COL8A1: variants seen among roughly 807,000 people sequenced by gnomAD.
The protein encoded by COL8A1 is collagen alpha-1(VIII) chain.
Under a neutral mutation model 42.7 loss-of-function variants are expected in COL8A1, and 21 were observed. That is an observed-to-expected ratio of 0.49 (90% CI 0.35 to 0.71). COL8A1 has a LOEUF of 0.71. Among genes scored for constraint, COL8A1 ranks in the 30% least tolerant of loss-of-function variants. The pLI is 0.01. For missense variants in COL8A1, 788 were observed against 962.4 expected (o/e 0.82, Z 2.40); for synonymous variants, 367 against 369.1 (o/e 0.99, Z 0.06).
At chr3:99,669,877 A>T (rs1021408536) in intron 1 of COL8A1, among the ~76,000 whole-genome samples, 4 of 152,006 alleles carry the variant, frequency 2.6e-5, no homozygotes, top group African/African-American at 9.7e-5. Flanking sequence ...TGGGAGGAGA[A>T]ACTGCTTTAT....
At chr3:99,650,388 A>G (rs565738273) in intron 1 of COL8A1, among the ~76,000 whole-genome samples, 5 of 152,250 alleles carry the variant, frequency 3.3e-5, no homozygotes, top group Admixed American at 6.5e-5. Context: ...TGAGCTCTCC[A>G]ATATGATAGC....
intron 1 of COL8A1, among the ~76,000 whole-genome samples, chr3:99,667,054 G>A (rs981933613): frequency 3.3e-5 from 5 of 152,260 alleles, no homozygotes; most frequent in African/African-American, 1.2e-4. Flanking sequence ...TTTTGTACAT[G>A]AAGAAACAGA....
intron 1 of COL8A1, among the ~76,000 whole-genome samples, chr3:99,721,240 GTAATGTAA>G (rs1940142535): frequency 6.6e-6 from 1 of 151,940 alleles, no homozygotes; most frequent in Non-Finnish European, 1.5e-5. Flanking sequence ...TGTGAGTTGT[GTAATGTAA>G]TATGGGTCAA....
chr3:99,793,764 C>T (rs1718244), intron 3 of COL8A1, among the ~76,000 whole-genome samples: 112,620 of 151,932 alleles, frequency 0.74, 42,328 homozygotes, highest in African/African-American at 0.88. Context: ...TATTTTTTTC[C>T]TTTTGGAGAT....
chr3:99,773,815 G>GTATATATATATATATATAT (rs58805519), intron 2 of COL8A1, among the ~76,000 whole-genome samples: 4 of 35,900 alleles, frequency 1.1e-4, no homozygotes, highest in African/African-American at 3.2e-4. Context: ...ATATATGTGT[G>GTATATATATATATATATAT]TATATATATA....
intron 1 of COL8A1, among the ~76,000 whole-genome samples, chr3:99,666,865 T>C (rs889947212): frequency 8.5e-5 from 13 of 152,346 alleles, no homozygotes; most frequent in Admixed American, 5.9e-4. Flanking sequence ...ACTAAATACA[T>C]GACATTTGGC....
intron 1 of COL8A1, among the ~76,000 whole-genome samples, chr3:99,723,575 G>C (rs138092150): frequency 1.5e-3 from 234 of 152,150 alleles, no homozygotes; most frequent in African/African-American, 5.4e-3. Flanking sequence ...TTTCTTTTTA[G>C]CCTAGTTTCC....
chr3:99,642,559 T>G (rs920572605), intron 1 of COL8A1, among the ~76,000 whole-genome samples: 1 of 152,232 alleles, frequency 6.6e-6, no homozygotes, highest in African/African-American at 2.4e-5. Context: ...CAATTCACCT[T>G]CGGTGTCCTC....
In COL8A1 at chr3:99,790,914, C is replaced by T. The variant is rs1941988240; in HGVS notation, c.232C>T (p.Gln78Ter). 1 of 1,613,978 alleles carries T rather than the reference C, an allele frequency of 6.2e-7. No homozygotes were observed. The highest frequency in any genetic ancestry group is 1.1e-5 in the South Asian group (1 of 91,084). The change falls in exon 3 of 4, where the codon CAG (glutamine) becomes TAG (stop). Residue 78 changes from glutamine to a stop codon, truncating the protein, a stop_gained. Coordinates refer to ENST00000652472, the MANE Select transcript of COL8A1 (RefSeq NM_020351.4). LOFTEE classifies it high-confidence loss of function. ...CATGGGCAAGGAGATGCCCCACTTG[C>T]AGTATGGCAAAGAGTATCCACACCT... ...LAMGKEMPHL[Q>*]YGKEYPHLPQ...
intron 1 of COL8A1, among the ~76,000 whole-genome samples, chr3:99,640,783 G>A (rs187230285): frequency 5.1e-4 from 77 of 152,274 alleles, no homozygotes; most frequent in African/African-American, 1.8e-3. Flanking sequence ...AAAAATCAGT[G>A]TCGAAGTTTC....
At chr3:99,729,024 C>A (rs1181711910) in intron 1 of COL8A1, among the ~76,000 whole-genome samples, 2 of 151,860 alleles carry the variant, frequency 1.3e-5, no homozygotes, top group African/African-American at 4.8e-5. Flanking sequence ...CCAGTTGTTT[C>A]ATTTGAAAAA....
chr3:99,672,294 G>GA (rs1265588288), intron 1 of COL8A1, among the ~76,000 whole-genome samples: 5 of 151,526 alleles, frequency 3.3e-5, no homozygotes, highest in Non-Finnish European at 5.9e-5. Context: ...TTCTTTTTTG[G>GA]AAAAAAATAA....
chr3:99,726,038 A>T (rs1940308114), intron 1 of COL8A1, among the ~76,000 whole-genome samples: 1 of 152,144 alleles, frequency 6.6e-6, no homozygotes, highest in Non-Finnish European at 1.5e-5. Context: ...CCAGCAATGT[A>T]AAAGTGTTCC....
At chr3:99,757,583 T>C (rs1397066742) in intron 2 of COL8A1, among the ~76,000 whole-genome samples, 2 of 152,208 alleles carry the variant, frequency 1.3e-5, no homozygotes, top group Non-Finnish European at 2.9e-5. Flanking sequence ...TCTAAGATTC[T>C]AGCCTGACTT....
At chr3:99,788,137 C>T (rs892193453) in intron 2 of COL8A1, among the ~76,000 whole-genome samples, 4 of 152,080 alleles carry the variant, frequency 2.6e-5, no homozygotes, top group Non-Finnish European at 4.4e-5. Flanking sequence ...TCCTCAGGGA[C>T]AGGAGAAAAA....
At chr3:99,713,132 G>T (rs1465226235) in intron 1 of COL8A1, among the ~76,000 whole-genome samples, 1 of 152,074 alleles carries the variant, frequency 6.6e-6, no homozygotes, top group Non-Finnish European at 1.5e-5. Context: ...AGTTAATCCT[G>T]ATTACAGTCC....
chr3:99,652,880 C>T (rs529126678), intron 1 of COL8A1, among the ~76,000 whole-genome samples: 1 of 152,194 alleles, frequency 6.6e-6, no homozygotes, highest in African/African-American at 2.4e-5. Context: ...TTTATGCAGA[C>T]AAAATAAAAT....
rs1027951610 is a variant in COL8A1 at position 99,672,675 on chromosome 3, T to C, written c.-129+34011T>C. Among the ~76,000 whole-genome samples the C allele has an allele frequency of 2.6e-5, 4 of 152,134 alleles. 1 individual carries two copies. The South Asian group carries it at 8.3e-4, about 32-fold the overall frequency. On this transcript the variant is annotated intron_variant, in intron 1 of 3. Coordinates refer to ENST00000652472, the MANE Select transcript of COL8A1 (RefSeq NM_020351.4). ...TTAAAGATAATTATACTACCAGTAA[T>C]TTAATTTATCTAATAGAATTCTTCC...
At chr3:99,654,035 T>C (rs748139061) in intron 1 of COL8A1, among the ~76,000 whole-genome samples, 7 of 152,130 alleles carry the variant, frequency 4.6e-5, no homozygotes, top group African/African-American at 9.7e-5. Flanking sequence ...CTTCAGTCTG[T>C]GGCCGAGGGC....
Sources: allele counts gnomAD v4.1 joint callset (sites outside exome capture counted in the v4.1 genomes callset), GRCh38; gene constraint gnomAD v4.1.1; transcripts MANE v1.5; gene names NCBI Gene and HGNC (gene_info 2026-07-23, HGNC 2026-07-21).